The following PREX1 variants were observed in gnomAD, a reference collection of about 807,000 sequenced individuals.
PREX1 encodes phosphatidylinositol 3,4,5-trisphosphate-dependent Rac exchanger 1 protein.
A neutral mutation model predicts 198.3 loss-of-function variants in PREX1; 41 were observed. The ratio of observed to expected loss-of-function variants is 0.21; its 90% confidence interval spans 0.16 to 0.27. The LOEUF (loss-of-function observed/expected upper bound fraction) is 0.27. PREX1 is among the 10% of genes least tolerant of loss of function. The pLI, the probability that PREX1 is intolerant of heterozygous loss-of-function variation, is 1.00. For missense variants in PREX1, 1,620 were observed against 2,200.7 expected (o/e 0.74, Z 5.28); for synonymous variants, 843 against 887.2 (o/e 0.95, Z 0.89).
intron 27 of PREX1, 70 bp from the exon 28 acceptor site, chr20:48,642,559 T>A (rs985153320): frequency 7.4e-7 from 1 of 1,352,810 alleles, no homozygotes. Context: ...AGCACTTTCC[T>A]AAGAGGGGGA....
chr20:48,653,503 G>A lies in PREX1; in HGVS notation c.2210-6C>T, dbSNP rs759073920. On this transcript the variant is annotated splice_polypyrimidine_tract_variant and splice_region_variant and intron_variant, in intron 19 of 39. Transcript: ENST00000371941. The stretch of plus-strand genomic sequence containing the variant: ...TGCAGCCATGGCCTCAGAGCCTAAG[G>A]GGAACAGGAGCACATGAGGCTGGAT... 1.2e-6 allele frequency: 2 copies of A among 1,604,480 alleles called. No homozygotes were observed. The highest frequency in any genetic ancestry group is 1.7e-6 in the Non-Finnish European group (2 of 1,173,724).
chr20:48,811,946 C>T (rs1287829862), intron 1 of PREX1, among the ~76,000 whole-genome samples: 1 of 152,250 alleles, frequency 6.6e-6, no homozygotes, highest in East Asian at 1.9e-4. Flanking sequence ...ATCTCAACCG[C>T]AGACCCACTT....
intron 39 of PREX1, 78 bp downstream of exon 39, chr20:48,627,470 C>G: frequency 6.6e-7 from 1 of 1,508,030 alleles, no homozygotes. Context: ...GGGGTTAGGC[C>G]AGGAGCATGA....
At chr20:48,697,586 G>T in intron 7 of PREX1, among the ~76,000 whole-genome samples, 1 of 151,972 alleles carries the variant, frequency 6.6e-6, no homozygotes, top group Non-Finnish European at 1.5e-5. Flanking sequence ...GGGTTTCACT[G>T]TGTTAGCCAG....
the PREX1 span, among the ~76,000 whole-genome samples, chr20:48,882,487 G>A: frequency 9.2e-6 from 1 of 108,610 alleles, no homozygotes; most frequent in African/African-American, 3.7e-5. Flanking sequence ...GGGCAACACA[G>A]TGAGACTCCG....
intron 1 of PREX1, among the ~76,000 whole-genome samples, chr20:48,785,187 T>C (rs973160700): frequency 1.3e-5 from 2 of 152,258 alleles, no homozygotes; most frequent in Non-Finnish European, 2.9e-5. Context: ...GTGCTGGGAT[T>C]ACAGGCGTGA....
intron 11 of PREX1, 139 bp downstream of exon 11, chr20:48,681,096 C>T (rs1456565831): frequency 1.3e-6 from 1 of 755,234 alleles, no homozygotes; most frequent in African/African-American, 1.7e-5. Flanking sequence ...CATCCATGTT[C>T]CTGCGGGCCA....
At chr20:48,836,171 C>G in the PREX1 span, among the ~76,000 whole-genome samples, 1 of 152,086 alleles carries the variant, frequency 6.6e-6, no homozygotes, top group Non-Finnish European at 1.5e-5. Context: ...TGGCCATGTT[C>G]AATGTCAAAT....
At chr20:48,692,904 C>G in intron 7 of PREX1, 114 bp from the exon 8 acceptor site, 1 of 866,536 alleles carries the variant, frequency 1.2e-6, no homozygotes, top group Non-Finnish European at 1.9e-6. Flanking sequence ...CAGAGAGGAG[C>G]CCCAGGTAGG....
intron 15 of PREX1, among the ~76,000 whole-genome samples, chr20:48,661,987 C>T (rs2089600307): frequency 6.6e-6 from 1 of 152,206 alleles, no homozygotes; most frequent in South Asian, 2.1e-4. Flanking sequence ...AACCAGCTGC[C>T]TTAGCCACAA....
chr20:48,756,475 T>A (rs1258779967), intron 1 of PREX1, among the ~76,000 whole-genome samples: 5 of 151,968 alleles, frequency 3.3e-5, no homozygotes, highest in Admixed American at 2.0e-4. Context: ...ATAGCTTTTT[T>A]TTTTTTACAA....
intron 1 of PREX1, among the ~76,000 whole-genome samples, chr20:48,779,008 A>G (rs1418645609): frequency 6.6e-6 from 1 of 152,274 alleles, no homozygotes; most frequent in Non-Finnish European, 1.5e-5. Flanking sequence ...GAAAAGGGAT[A>G]AATTAGAACA....
Position 48,755,217 on chromosome 20 carries a change from A to G in PREX1, c.220-7337T>C, listed in dbSNP as rs11906385. ...AAAATCAAGTTACAAACAAGTACAT[A>G]AAATATAATCTCACTGTTGGTTAAA... On this transcript the variant is annotated intron_variant, in intron 1 of 39. Coordinates refer to ENST00000371941, the MANE Select transcript of PREX1 (RefSeq NM_020820.4). Among the ~76,000 whole-genome samples the G allele has an allele frequency of 2.4e-3, 363 of 152,330 alleles. 2 individuals carry two copies. Among genetic ancestry groups the G allele is most frequent in the African/African-American group, 8.4e-3 (348 of 41,568 alleles).
At chr20:48,672,328 C>T (rs1249632379) in intron 14 of PREX1, among the ~76,000 whole-genome samples, 1 of 152,254 alleles carries the variant, frequency 6.6e-6, no homozygotes, top group Non-Finnish European at 1.5e-5. Flanking sequence ...GGTCCACCTT[C>T]AAAACATCCA....
intron 1 of PREX1, among the ~76,000 whole-genome samples, chr20:48,788,861 G>A (rs1186625762): frequency 6.6e-6 from 1 of 152,240 alleles, no homozygotes; most frequent in South Asian, 2.1e-4. Flanking sequence ...GTAAGAAGAG[G>A]AAGAGAAACC....
intron 1 of PREX1, among the ~76,000 whole-genome samples, chr20:48,810,991 G>A (rs1378779510): frequency 6.6e-6 from 1 of 152,150 alleles, no homozygotes; most frequent in Non-Finnish European, 1.5e-5. Context: ...TGGAGGGGTG[G>A]AGACTGTGGC....
intron 1 of PREX1, among the ~76,000 whole-genome samples, chr20:48,778,463 G>A (rs1015564927): frequency 1.3e-5 from 2 of 151,236 alleles, no homozygotes; most frequent in Non-Finnish European, 2.9e-5. Flanking sequence ...CATGGCACAC[G>A]CCTGTAATCC....
At chr20:48,824,757 C>T (rs2090501367) in intron 1 of PREX1, among the ~76,000 whole-genome samples, 1 of 152,104 alleles carries the variant, frequency 6.6e-6, no homozygotes, top group Non-Finnish European at 1.5e-5. Flanking sequence ...GAGCCTTGCA[C>T]TTGGATTGTT....
chr20:48,630,586 G>T, intron 36 of PREX1, 142 bp downstream of exon 36: 1 of 641,618 alleles, frequency 1.6e-6, no homozygotes, highest in East Asian at 2.7e-5. Flanking sequence ...GAGACTTCCT[G>T]GAGGAGGAGA....
Sources: gnomAD v4.1 joint callset for allele counts (sites outside exome capture counted in the v4.1 genomes callset) on GRCh38, gnomAD v4.1.1 for gene constraint, MANE v1.5 for transcripts, NCBI Gene and HGNC (gene_info 2026-07-23, HGNC 2026-07-21) for gene names.